The following CCDC30 variants were observed in gnomAD, a reference collection of about 807,000 sequenced individuals.
CCDC30 encodes coiled-coil domain containing 30.
CCDC30 carries 70 observed loss-of-function variants against 100.2 expected under a neutral mutation model. The observed-to-expected ratio is 0.70, with a 90% CI of 0.58 to 0.85. The LOEUF (loss-of-function observed/expected upper bound fraction) is 0.85, where lower values mean the gene tolerates loss of function less well. Among genes scored for constraint, CCDC30 ranks in the 40% least tolerant of loss-of-function variants. CCDC30 has a pLI of 0.00. For synonymous variants in CCDC30, 233 were observed against 269.5 expected, an observed-to-expected ratio of 0.86 and a Z score of 1.33; for missense variants, 652 against 771.2, an observed-to-expected ratio of 0.85 and a Z score of 1.83.
intron 16 of CCDC30, 31 bp downstream of exon 20, chr1:42,653,474 T>C: frequency 1.4e-6 from 2 of 1,400,210 alleles, no homozygotes; most frequent in South Asian, 1.2e-5. Context: ...TAAAGTCAAG[T>C]CTATCTGAGA....
In CCDC30 at chr1:42,536,445, T is replaced by A. The variant is rs760517448; in HGVS notation, c.457-29851T>A. On this transcript the variant is annotated intron_variant, in intron 6 of 16. Transcript: ENST00000668663. ...TTGTAGGAAACACTGCTATTATATA[T>A]AAAATTAATTATGTAAAATGCTTTT... 7.2e-6 allele frequency: 10 copies of A among 1,395,944 alleles called. No individual in the cohort carries two copies. The South Asian group carries it at 1.2e-4, about 16-fold the overall frequency. 86.5% of individuals were successfully genotyped at this position (1,395,944 alleles called of 1,614,324 possible). A position where few individuals can be genotyped will look rare whatever the true frequency, so the allele number is the denominator to read the frequency against.
chr1:42,600,405 A>G (rs1467230892), intron 10 of CCDC30, among the ~76,000 whole-genome samples: 2 of 152,200 alleles, frequency 1.3e-5, no homozygotes, highest in East Asian at 1.9e-4. Context: ...GCAGAAAATC[A>G]GTGAGGACAT....
chr1:42,519,389 TCA>T lies in CCDC30; in HGVS notation c.456+20475_456+20476del, dbSNP rs1325906541. On this transcript the variant is annotated intron_variant, in intron 6 of 16. Transcript: ENST00000668663. ...TTCTTTTTTAAATGTTTGGTAGAAT[TCA>T]CTAATGAAGCCATCAGATCTAGGGT... 7.9e-5 allele frequency among the ~76,000 whole-genome samples: 12 copies of T among 152,346 alleles called. No homozygotes were observed. The South Asian group carries it at 1.9e-3, about 24-fold the overall frequency.
chr1:42,489,610 C>G (rs780505190), intron 3 of CCDC30, among the ~76,000 whole-genome samples: 3 of 152,100 alleles, frequency 2.0e-5, no homozygotes, highest in African/African-American at 7.2e-5. Flanking sequence ...GATGAGGAGA[C>G]CGTAGGAGAC....
chr1:42,642,605 A>G (rs1315381957), exon 13 of CCDC30: 19 of 1,582,126 alleles, frequency 1.2e-5, no homozygotes, highest in Non-Finnish European at 1.5e-5. Context: ...TTCCATCCAG[A>G]GCAGGTAGGT....
chr1:42,513,312 A>G (rs1282062185), intron 6 of CCDC30, among the ~76,000 whole-genome samples: 1 of 152,144 alleles, frequency 6.6e-6, no homozygotes, highest in Non-Finnish European at 1.5e-5. Flanking sequence ...AGGATTGAGG[A>G]GGCAGTGTCT....
intron 11 of CCDC30, among the ~76,000 whole-genome samples, chr1:42,629,874 A>G (rs540095739): frequency 1.3e-5 from 2 of 151,518 alleles, no homozygotes; most frequent in African/African-American, 4.8e-5. Flanking sequence ...TCAGCCTCCC[A>G]AAGTGCTGGG....
intron 6 of CCDC30, among the ~76,000 whole-genome samples, chr1:42,561,015 T>A (rs1645475572): frequency 6.6e-6 from 1 of 152,208 alleles, no homozygotes; most frequent in Non-Finnish European, 1.5e-5. Flanking sequence ...ACAGCTGAAT[T>A]CTACCAGAAA....
chr1:42,587,894 G>A (rs1463775293), intron 9 of CCDC30, among the ~76,000 whole-genome samples: 3 of 152,154 alleles, frequency 2.0e-5, no homozygotes, highest in Non-Finnish European at 4.4e-5. Context: ...ATTGCTTAGT[G>A]CACAGAAAGC....
chr1:42,504,403 C>T (rs918233994), intron 6 of CCDC30, among the ~76,000 whole-genome samples: 1 of 152,190 alleles, frequency 6.6e-6, no homozygotes, highest in Non-Finnish European at 1.5e-5. Flanking sequence ...GGTGATGACT[C>T]TTTCTCACTA....
rs910196699 is a variant in CCDC30, at chr1:42,470,290, C to CT, written c.-92+6393dup. Among the ~76,000 whole-genome samples, 3 of 29,922 alleles carry CT rather than the reference C, an allele frequency of 1.0e-4. No homozygotes were observed. In the Admixed American group the frequency reaches 1.3e-3, roughly 13 times the overall value. 19.6% of individuals were successfully genotyped at this position (29,922 alleles called of 152,430 possible). A position where few individuals can be genotyped will look rare whatever the true frequency, so the allele number is the denominator to read the frequency against. On this transcript the variant is annotated intron_variant, in intron 1 of 16. Transcript: ENST00000668663. Reference sequence around the variant, plus strand: ...AACTGCTTCACACCCATTAGGATGGCTATTTTTTTTTTAAAGTAACCCAAA... The same window carrying CT: ...AACTGCTTCACACCCATTAGGATGGCTTATTTTTTTTTTAAAGTAACCCAAA...
At chr1:42,592,024 A>T (rs527988736) in intron 10 of CCDC30, 10 of 152,292 alleles carry the variant, frequency 6.6e-5, no homozygotes, top group Non-Finnish European at 1.2e-4. Context: ...TGGAATTGTG[A>T]TGTTTACCTA....
At position 42,651,358 on chromosome 1, in the gene CCDC30, A is replaced by T. The variant is rs541957980; in HGVS notation, c.1855-2018A>T. On this transcript the variant is annotated intron_variant, in intron 15 of 16. Coordinates refer to ENST00000668663, the Ensembl canonical transcript of CCDC30. Reference sequence around the variant, plus strand: ...ATCTGATAAGGGATTAATATCCAAAATATATAAGGATCTCAACTCAATAGC... The same window carrying T: ...ATCTGATAAGGGATTAATATCCAAATTATATAAGGATCTCAACTCAATAGC... 3.3e-5 allele frequency among the ~76,000 whole-genome samples: 5 copies of T among 152,324 alleles called. No individual in the cohort carries two copies. In the East Asian group the frequency reaches 7.7e-4, roughly 24 times the overall value.
chr1:42,461,967 T>C (rs1016827751), upstream of CCDC30, among the ~76,000 whole-genome samples: 3 of 152,238 alleles, frequency 2.0e-5, no homozygotes, highest in African/African-American at 7.2e-5. Flanking sequence ...TGTTCTTCTC[T>C]GCATTCATAG....
intron 6 of CCDC30, among the ~76,000 whole-genome samples, chr1:42,501,728 C>G (rs1393734357): frequency 6.6e-6 from 1 of 152,134 alleles, no homozygotes; most frequent in Admixed American, 6.5e-5. Context: ...CACTCCAGAC[C>G]CTGTTTGTCT....
At chr1:42,459,422 A>G (rs148157451), upstream of CCDC30, 173 of 623,604 alleles carry the variant, frequency 2.8e-4, no homozygotes, top group African/African-American at 2.7e-3. Flanking sequence ...TGGCCTTCCA[A>G]AGTGCTGGGA....
chr1:42,546,326 G>A (rs370802022), intron 6 of CCDC30, among the ~76,000 whole-genome samples: 27 of 146,304 alleles, frequency 1.8e-4, no homozygotes, highest in South Asian at 1.7e-3. Context: ...TGGAGGTTGC[G>A]GTGAGCCGAG....
intron 4 of CCDC30, among the ~76,000 whole-genome samples, chr1:42,493,416 C>T (rs1330494052): frequency 1.3e-5 from 2 of 151,888 alleles, no homozygotes; most frequent in Non-Finnish European, 2.9e-5. Context: ...GGTGAAACCC[C>T]GTGTCTACTA....
At chr1:42,570,597 G>T (rs1645713382) in intron 7 of CCDC30, among the ~76,000 whole-genome samples, 1 of 151,934 alleles carries the variant, frequency 6.6e-6, no homozygotes, top group East Asian at 1.9e-4. Context: ...AAAATTAGTA[G>T]TAACTGCTAA....
Sources: allele counts gnomAD v4.1 joint callset (sites outside exome capture counted in the v4.1 genomes callset), GRCh38; gene constraint gnomAD v4.1.1; transcripts MANE v1.5; gene names NCBI Gene and HGNC (gene_info 2026-07-23, HGNC 2026-07-21).